Variants in GNPAT observed in about 807,000 individuals in gnomAD.
GNPAT encodes the protein glyceronephosphate O-acyltransferase.
Under a neutral mutation model 78.4 loss-of-function variants are expected in GNPAT, and 30 were observed. The observed-to-expected ratio is 0.38, with a 90% CI of 0.29 to 0.52. The LOEUF (loss-of-function observed/expected upper bound fraction) is 0.52. GNPAT is among the 20% of genes least tolerant of loss of function. The pLI, the probability that GNPAT is intolerant of heterozygous loss-of-function variation, is 0.84. For synonymous variants in GNPAT, 271 were observed against 281.1 expected (o/e 0.96, Z 0.36); for missense variants, 714 against 812.2 (o/e 0.88, Z 1.47).
At chr1:231,254,755 AT>A (rs1202180202) in intron 2 of GNPAT, among the ~76,000 whole-genome samples, 313 of 139,806 alleles carry the variant, frequency 2.2e-3, no homozygotes, top group Non-Finnish European at 2.2e-3. Context: ...GCCGAAAAAA[AT>A]TTTTTTTTTT....
intron 2 of GNPAT, among the ~76,000 whole-genome samples, chr1:231,252,481 G>A (rs1684924604): frequency 6.6e-6 from 1 of 152,194 alleles, no homozygotes; most frequent in Admixed American, 6.5e-5. Context: ...CCAGGTGCTT[G>A]TATGGTCATA....
chr1:231,243,274 G>A (rs1162419827), intron 1 of GNPAT, among the ~76,000 whole-genome samples: 1 of 152,196 alleles, frequency 6.6e-6, no homozygotes, highest in Non-Finnish European at 1.5e-5. Context: ...CTTGGAGAAG[G>A]TTTCTAAGAA....
Position 231,251,162 on chromosome 1 carries a change from A to C in GNPAT, c.261+19A>C. On this transcript the variant is annotated intron_variant, in intron 2 of 15. Coordinates refer to ENST00000366647, the MANE Select transcript of GNPAT (RefSeq NM_014236.4). Reference sequence around the variant, plus strand: ...TAAACAGGTAAGTGATTCCCTCTTCAACCATGGCCAGATTTGTTCATTGTC... The same window carrying C: ...TAAACAGGTAAGTGATTCCCTCTTCCACCATGGCCAGATTTGTTCATTGTC... 2.1e-6 allele frequency: 3 copies of C among 1,455,290 alleles called. No individual in the cohort carries two copies. The South Asian group carries it at 3.8e-5, about 19-fold the overall frequency. 90.1% of individuals were successfully genotyped at this position (1,455,290 alleles called of 1,614,324 possible). A position where few individuals can be genotyped will look rare whatever the true frequency, so the allele number is the denominator to read the frequency against.
chr1:231,275,226 T>C lies in GNPAT; in HGVS notation c.1749T>C (p.Ile583=). Reference sequence around the variant, plus strand: ...ATCCTTCCTCTTAAAATCAGATAATTTGCAAGTACCTTTTGAGTGAAGAAG... The same window carrying C: ...ATCCTTCCTCTTAAAATCAGATAATCTGCAAGTACCTTTTGAGTGAAGAAG... ...FKPFVESYQI[I]CKYLLSEEED... is the part of the protein sequence containing the mutation. Residue 583 remains isoleucine, a synonymous_variant, in exon 13 of 16, where the codon ATT becomes ATC. Coordinates refer to ENST00000366647, the MANE Select transcript of GNPAT (RefSeq NM_014236.4). The C allele has an allele frequency of 1.9e-6, 3 of 1,590,908 alleles. No individual in the cohort carries two copies. The highest frequency in any genetic ancestry group is 2.6e-6 in the Non-Finnish European group (3 of 1,158,764).
In GNPAT at chr1:231,260,528, T is replaced by C. The variant is rs1173105990; in HGVS notation, c.283T>C (p.Ser95Pro). The change falls in exon 3 of 16, where the codon TCT becomes CCT. Residue 95 changes from serine (S) to proline (P), a missense_variant. Ser to Pro is a moderately conservative substitution (Grantham distance 74). Transcript: ENST00000366647. ...TTAGCTTTCCAAGGAATCCCTTCAA[T>C]CTGTGGATGTCCTCCGAGAGGAAGT... ...IKQLSKESLQ[S>P]VDVLREEVSE... 4 of 1,610,156 alleles carry C rather than the reference T, an allele frequency of 2.5e-6. No individual in the cohort carries two copies. In the South Asian group the frequency reaches 4.4e-5, roughly 18 times the overall value.
intron 14 of GNPAT, among the ~76,000 whole-genome samples, chr1:231,275,862 T>C (rs1313221275): frequency 2.0e-5 from 3 of 152,330 alleles, no homozygotes; most frequent in East Asian, 3.9e-4. Context: ...TATGTATATA[T>C]AAACATATAG....
intron 4 of GNPAT, among the ~76,000 whole-genome samples, chr1:231,264,927 C>T (rs114821298): frequency 0.013 from 1,992 of 152,314 alleles, 30 homozygotes; most frequent in African/African-American, 0.045. Context: ...CACAAGGTAA[C>T]CTCCCAGTGA....
At chr1:231,266,493 C>T in intron 8 of GNPAT, 86 bp downstream of exon 8, 1 of 1,057,392 alleles carries the variant, frequency 9.5e-7, no homozygotes, top group Non-Finnish European at 1.5e-6. Flanking sequence ...GACCACTTCT[C>T]TTGATTTACT....
intron 9 of GNPAT, among the ~76,000 whole-genome samples, chr1:231,268,682 C>T (rs1336506662): frequency 4.7e-5 from 7 of 149,350 alleles, no homozygotes; most frequent in African/African-American, 1.2e-4. Flanking sequence ...CTGAGGCGGG[C>T]GGATCACGAG....
chr1:231,277,620 A>G lies in GNPAT; in HGVS notation c.*78A>G. The G allele has an allele frequency of 2.3e-6, 2 of 856,890 alleles. No individual in the cohort carries two copies. Among genetic ancestry groups the G allele is most frequent in the African/African-American group, 1.6e-5 (1 of 60,634 alleles). 53.1% of individuals were successfully genotyped at this position (856,890 alleles called of 1,614,324 possible). ...GACTCATTACAACAAACAGGGAAGT[A>G]AAGGAAGAGACACATCCTCTCATAC... On this transcript the variant is annotated 3_prime_UTR_variant, in exon 16 of 16. Coordinates refer to ENST00000366647, the MANE Select transcript of GNPAT (RefSeq NM_014236.4).
chr1:231,266,505 A>C (rs1236098955), intron 8 of GNPAT, 98 bp downstream of exon 8: 3 of 973,612 alleles, frequency 3.1e-6, no homozygotes, highest in Non-Finnish European at 4.9e-6. Flanking sequence ...TGATTTACTT[A>C]AGATTACAGA....
chr1:231,275,658 T>C (rs1271031401), intron 14 of GNPAT, among the ~76,000 whole-genome samples, 160 bp downstream of exon 14: 1 of 152,212 alleles, frequency 6.6e-6, no homozygotes, highest in African/African-American at 2.4e-5. Context: ...TGAGTTATCC[T>C]GAAAATTGTA....
chr1:231,246,802 A>G (rs373463843), intron 1 of GNPAT, among the ~76,000 whole-genome samples: 8 of 152,228 alleles, frequency 5.3e-5, no homozygotes, highest in African/African-American at 1.9e-4. Flanking sequence ...AGAAATCTCT[A>G]CAGGTGGAAC....
intron 3 of GNPAT, among the ~76,000 whole-genome samples, chr1:231,261,878 A>G (rs1685232257): frequency 6.6e-6 from 1 of 152,008 alleles, no homozygotes; most frequent in South Asian, 2.1e-4. Context: ...TCAGTCATTT[A>G]CTTTCCTGTC....
intron 2 of GNPAT, among the ~76,000 whole-genome samples, chr1:231,253,094 G>A (rs1389791836): frequency 6.6e-6 from 1 of 152,000 alleles, no homozygotes; most frequent in African/African-American, 2.4e-5. Context: ...TCAGCCTCCC[G>A]AGTAGCTAGG....
Position 231,241,275 on chromosome 1 carries a change from C to G in GNPAT, c.-104C>G, listed in dbSNP as rs1172754167. On this transcript the variant is annotated 5_prime_UTR_variant, in exon 1 of 16. Transcript: ENST00000366647. ...AGCGGCTGCAGAGGGTGCCGCCGCC[C>G]TAGGCGAAGTAGGGCCGTCCTGAGC... 3 of 1,419,820 alleles carry G rather than the reference C, an allele frequency of 2.1e-6. No homozygotes were observed. Among genetic ancestry groups the G allele is most frequent in the African/African-American group, 1.4e-5 (1 of 70,888 alleles). The allele number at this position is 1,419,820 out of a possible 1,614,324, so 88.0% of individuals were successfully genotyped here.
intron 2 of GNPAT, among the ~76,000 whole-genome samples, chr1:231,251,444 T>C (rs1056034710): frequency 6.6e-6 from 1 of 152,080 alleles, no homozygotes; most frequent in African/African-American, 2.4e-5. Flanking sequence ...GGCAACTCAT[T>C]TGGTGTAGAG....
In GNPAT at chr1:231,251,750, G is replaced by A. The variant is rs1385995874; in HGVS notation, c.261+607G>A. ...AAGGACCGAAGCCTTGAAAAGACTT[G>A]TACTTTTCTCTTGGAGAAGCTATCA... On this transcript the variant is annotated intron_variant, in intron 2 of 15. Coordinates refer to ENST00000366647, the MANE Select transcript of GNPAT (RefSeq NM_014236.4). Among the ~76,000 whole-genome samples the A allele has an allele frequency of 6.6e-5, 10 of 152,330 alleles. No individual in the cohort carries two copies. The East Asian group carries it at 1.9e-3, about 29-fold the overall frequency.
intron 10 of GNPAT, among the ~76,000 whole-genome samples, chr1:231,271,249 A>G (rs773254468): frequency 2.0e-5 from 3 of 152,224 alleles, no homozygotes; most frequent in Non-Finnish European, 4.4e-5. Context: ...AGAAAGTTGC[A>G]TAATTACTGA....
Sources: gnomAD v4.1 joint callset for allele counts (sites outside exome capture counted in the v4.1 genomes callset) on GRCh38, gnomAD v4.1.1 for gene constraint, MANE v1.5 for transcripts, NCBI Gene and HGNC (gene_info 2026-07-23, HGNC 2026-07-21) for gene names.